Variants in ADGRB3 observed in about 807,000 individuals in gnomAD.
ADGRB3 encodes the protein adhesion G protein-coupled receptor B3, also known as brain-specific angiogenesis inhibitor 3.
ADGRB3 carries 37 observed loss-of-function variants against 193.4 expected under a neutral mutation model. The ratio of observed to expected loss-of-function variants is 0.19; its 90% CI spans 0.15 to 0.25. The LOEUF is 0.25. Among genes scored for constraint, ADGRB3 ranks in the 10% least tolerant of loss-of-function variants. ADGRB3 has a pLI of 1.00. For missense variants in ADGRB3, 1,637 were observed against 1,852.9 expected, an observed-to-expected ratio of 0.88 and a Z score of 2.14; for synonymous variants, 690 against 644.2, an observed-to-expected ratio of 1.07 and a Z score of -1.08.
chr6:68,721,104 G>A (rs930845863), intron 3 of ADGRB3, among the ~76,000 whole-genome samples: 8 of 151,738 alleles, frequency 5.3e-5, no homozygotes, highest in African/African-American at 1.9e-4. Context: ...AATACCATTT[G>A]ACCCAGCCAT....
At chr6:69,081,844 C>G (rs1197587519) in intron 17 of ADGRB3, among the ~76,000 whole-genome samples, 1 of 152,026 alleles carries the variant, frequency 6.6e-6, no homozygotes, top group Non-Finnish European at 1.5e-5. Flanking sequence ...TTATTAGCAA[C>G]CCATTATGTC....
intron 12 of ADGRB3, 121 bp downstream of exon 12, chr6:69,014,227 T>C (rs1419796207): frequency 3.2e-6 from 2 of 625,948 alleles, no homozygotes; most frequent in Non-Finnish European, 5.3e-6. Flanking sequence ...CTAGGTTATA[T>C]CCTAGTAATT....
intron 3 of ADGRB3, among the ~76,000 whole-genome samples, chr6:68,710,520 T>G (rs1765391935): frequency 1.3e-5 from 2 of 152,172 alleles, no homozygotes; most frequent in Non-Finnish European, 1.5e-5. Flanking sequence ...TTTAAAGAAG[T>G]CGGCTTCTGT....
At chr6:69,248,833 A>G (rs1297299275) in intron 20 of ADGRB3, among the ~76,000 whole-genome samples, 2 of 152,190 alleles carry the variant, frequency 1.3e-5, no homozygotes, top group African/African-American at 2.4e-5. Context: ...CTGATGCTTT[A>G]TGTAAAAATA....
chr6:68,838,933 A>G (rs1768095657), intron 3 of ADGRB3, among the ~76,000 whole-genome samples: 1 of 152,214 alleles, frequency 6.6e-6, no homozygotes. Context: ...CTAAACTAAT[A>G]GTGAAGCCAA....
chr6:68,740,840 A>C (rs1562011894), intron 3 of ADGRB3, among the ~76,000 whole-genome samples: 1 of 152,160 alleles, frequency 6.6e-6, no homozygotes, highest in Non-Finnish European at 1.5e-5. Flanking sequence ...CATTTCTTCT[A>C]TTCCCTTAAC....
intron 31 of ADGRB3, among the ~76,000 whole-genome samples, chr6:69,385,299 GAAA>G (rs1770045526): frequency 6.6e-6 from 1 of 151,780 alleles, no homozygotes; most frequent in Admixed American, 6.6e-5. Context: ...AGGAGGGAAA[GAAA>G]GAAGAGAGAG....
intron 17 of ADGRB3, among the ~76,000 whole-genome samples, chr6:69,169,873 G>A (rs1022443242): frequency 1.8e-4 from 27 of 152,042 alleles, no homozygotes; most frequent in African/African-American, 6.5e-4. Flanking sequence ...ATCATGCATA[G>A]CCTCTATTTA....
intron 3 of ADGRB3, among the ~76,000 whole-genome samples, chr6:68,760,463 T>TGTTAAGCCTTATG (rs1766376629): frequency 6.6e-6 from 1 of 152,206 alleles, no homozygotes; most frequent in Admixed American, 6.6e-5. Context: ...AAGTAATTCA[T>TGTTAAGCCTTATG]AAAGTATCAA....
chr6:68,950,015 A>C (rs990448275), intron 6 of ADGRB3, among the ~76,000 whole-genome samples: 4 of 152,058 alleles, frequency 2.6e-5, no homozygotes, highest in Non-Finnish European at 4.4e-5. Context: ...GGCAAATGGA[A>C]GACAGATTTT....
chr6:69,040,917 A>G (rs868686521), intron 13 of ADGRB3, among the ~76,000 whole-genome samples: 1 of 152,158 alleles, frequency 6.6e-6, no homozygotes, highest in Non-Finnish European at 1.5e-5. Flanking sequence ...TTGAGTATCA[A>G]AGAATCTTTC....
intron 3 of ADGRB3, among the ~76,000 whole-genome samples, chr6:68,768,770 G>T (rs1335563465): frequency 6.6e-6 from 1 of 151,864 alleles, no homozygotes; most frequent in Non-Finnish European, 1.5e-5. Context: ...CAGAATGGGA[G>T]AAAGTTTTTG....
chr6:68,893,402 A>G (rs1290495322), intron 3 of ADGRB3, among the ~76,000 whole-genome samples: 1 of 151,960 alleles, frequency 6.6e-6, no homozygotes, highest in Non-Finnish European at 1.5e-5. Context: ...TGTCTGAGAC[A>G]TATCTTTAAA....
intron 3 of ADGRB3, among the ~76,000 whole-genome samples, chr6:68,677,152 T>C (rs1769111403): frequency 1.3e-5 from 2 of 152,210 alleles, no homozygotes; most frequent in Admixed American, 1.3e-4. Flanking sequence ...TTCCGTTGTT[T>C]ATTTTATTCA....
In ADGRB3 at chr6:69,252,074, T is replaced by C. The variant is rs868416773; in HGVS notation, c.2814+12848T>C. Among the ~76,000 whole-genome samples, 5 of 152,104 alleles carry C rather than the reference T, an allele frequency of 3.3e-5. No individual in the cohort carries two copies. In the South Asian group the frequency reaches 6.2e-4, roughly 19 times the overall value. ...CTCCTGCCAGTCAATCCCCATCCCC[T>C]CATAGGCAAGCGTTGTTCTGATTCC... On this transcript the variant is annotated intron_variant, in intron 20 of 31. Transcript: ENST00000370598.
intron 12 of ADGRB3, 84 bp downstream of exon 12, chr6:69,014,190 A>T: frequency 1.0e-6 from 1 of 975,094 alleles, no homozygotes. Flanking sequence ...TTGCTATTTC[A>T]GGAAAACAAG....
chr6:68,767,671 G>T (rs1470480478), intron 3 of ADGRB3, among the ~76,000 whole-genome samples: 1 of 152,108 alleles, frequency 6.6e-6, no homozygotes, highest in Non-Finnish European at 1.5e-5. Flanking sequence ...GTTCAACATA[G>T]TATTGGAAGT....
intron 3 of ADGRB3, among the ~76,000 whole-genome samples, chr6:68,685,612 A>G (rs1764968206): frequency 6.6e-6 from 1 of 152,050 alleles, no homozygotes; most frequent in African/African-American, 2.4e-5. Context: ...GAAGAAAGGG[A>G]ATTAAAAAAA....
chr6:69,340,284 G>A (rs1768947711), intron 26 of ADGRB3, among the ~76,000 whole-genome samples: 1 of 152,164 alleles, frequency 6.6e-6, no homozygotes, highest in African/African-American at 2.4e-5. Flanking sequence ...GAAATAAAAT[G>A]TTGTTTTCCA....
Sources: allele counts gnomAD v4.1 joint callset (sites outside exome capture counted in the v4.1 genomes callset), GRCh38; gene constraint gnomAD v4.1.1; transcripts MANE v1.5; gene names NCBI Gene and HGNC (gene_info 2026-07-23, HGNC 2026-07-21).